Variants in NPAS3 observed in about 807,000 individuals in gnomAD.
The protein encoded by NPAS3 is neuronal PAS domain-containing protein 3.
NPAS3 carries 14 observed loss-of-function variants against 73.1 expected under a neutral mutation model. The observed-to-expected ratio is 0.19, with a 90% CI of 0.13 to 0.30. NPAS3 has a LOEUF of 0.30. Among genes scored for constraint, NPAS3 ranks in the 10% least tolerant of loss-of-function variants. The pLI is 1.00. For synonymous variants in NPAS3, 620 were observed against 541.5 expected (o/e 1.14, Z -2.01); for missense variants, 1,096 against 1,250.0 (o/e 0.88, Z 1.86).
intron 1 of NPAS3, among the ~76,000 whole-genome samples, chr14:33,050,744 T>C (rs1448980863): frequency 6.6e-6 from 1 of 152,196 alleles, no homozygotes; most frequent in Non-Finnish European, 1.5e-5. Context: ...TCGAATGAAA[T>C]CTCTTGTTCC....
intron 5 of NPAS3, among the ~76,000 whole-genome samples, chr14:33,664,013 T>C (rs2059383603): frequency 6.6e-6 from 1 of 152,074 alleles, no homozygotes; most frequent in African/African-American, 2.4e-5. Flanking sequence ...TTGATTTTTT[T>C]GAAGGGGTTT....
At chr14:32,997,021 G>A (rs1346366034) in intron 1 of NPAS3, among the ~76,000 whole-genome samples, 3 of 152,186 alleles carry the variant, frequency 2.0e-5, no homozygotes, top group African/African-American at 7.2e-5. Flanking sequence ...AGCAACAGGG[G>A]TGGAGTTGCC....
At chr14:33,499,871 A>T (rs1288049730) in intron 4 of NPAS3, among the ~76,000 whole-genome samples, 1 of 151,958 alleles carries the variant, frequency 6.6e-6, no homozygotes, top group Non-Finnish European at 1.5e-5. Context: ...GCCTTCTCGC[A>T]GTGAGGCACA....
At position 33,565,072 on chromosome 14, in the gene NPAS3, T is replaced by C. The variant is rs548487594; in HGVS notation, c.558+4862T>C. 5.3e-5 allele frequency among the ~76,000 whole-genome samples: 8 copies of C among 152,294 alleles called. 1 individual carries two copies. Among genetic ancestry groups the C allele is most frequent in the Admixed American group, 3.9e-4 (6 of 15,296 alleles). ...AGGTAGCTGCAGACAAGGTTACAAA[T>C]TGGCTTGATTCAAGGCAGCTTGCTG... On this transcript the variant is annotated intron_variant, in intron 5 of 11. Coordinates refer to ENST00000356141, the Ensembl canonical transcript of NPAS3.
chr14:33,378,248 G>A (rs2046389225), intron 4 of NPAS3, among the ~76,000 whole-genome samples: 1 of 152,172 alleles, frequency 6.6e-6, no homozygotes, highest in Admixed American at 6.6e-5. Flanking sequence ...AGACAGCTCA[G>A]TGAGCACTCA....
intron 3 of NPAS3, among the ~76,000 whole-genome samples, chr14:33,331,001 A>G (rs560724162): frequency 6.6e-6 from 1 of 152,336 alleles, no homozygotes; most frequent in East Asian, 1.9e-4. Context: ...AATTTAAACT[A>G]TTTACACTTG....
chr14:33,250,190 T>C (rs891033047), intron 3 of NPAS3, among the ~76,000 whole-genome samples: 1 of 152,136 alleles, frequency 6.6e-6, no homozygotes, highest in African/African-American at 2.4e-5. Context: ...TGTGTTTGAC[T>C]TAACAGCTTT....
Position 33,140,157 on chromosome 14 carries a change from C to A in NPAS3, c.141-75025C>A, listed in dbSNP as rs141339435. Among the ~76,000 whole-genome samples, 212 of 152,132 alleles carry A rather than the reference C, an allele frequency of 1.4e-3. 1 individual carries two copies. The highest frequency in any genetic ancestry group is 4.7e-3 in the African/African-American group (193 of 41,500). On this transcript the variant is annotated intron_variant, in intron 2 of 11. Coordinates refer to ENST00000356141, the Ensembl canonical transcript of NPAS3. ...GTGGTTCAGTACCTTGGTTTTAATT[C>A]ATAGAAACACCACTGCTGCACAGTA...
intron 5 of NPAS3, among the ~76,000 whole-genome samples, chr14:33,651,756 A>G (rs1448066742): frequency 1.3e-5 from 2 of 152,168 alleles, no homozygotes; most frequent in Non-Finnish European, 2.9e-5. Context: ...ATAGACGTAA[A>G]TGCTCAATAC....
chr14:33,324,671 T>G (rs1022774743), intron 3 of NPAS3, among the ~76,000 whole-genome samples: 1 of 152,342 alleles, frequency 6.6e-6, no homozygotes, highest in South Asian at 2.1e-4. Context: ...TTTTGATAGT[T>G]AATTATAGCT....
chr14:33,044,487 A>T (rs1027112547), intron 1 of NPAS3, among the ~76,000 whole-genome samples: 1 of 152,156 alleles, frequency 6.6e-6, no homozygotes, highest in African/African-American at 2.4e-5. Context: ...ATGGATGTGT[A>T]TAGCAACAAT....
Position 33,168,043 on chromosome 14 carries a change from A to G in NPAS3, c.141-47139A>G, listed in dbSNP as rs1027621867. Among the ~76,000 whole-genome samples, 23 of 152,054 alleles carry G rather than the reference A, an allele frequency of 1.5e-4. 1 individual carries two copies. Among genetic ancestry groups the G allele is most frequent in the South Asian group, 6.2e-4 (3 of 4,820 alleles). On this transcript the variant is annotated intron_variant, in intron 2 of 11. Coordinates refer to ENST00000356141, the Ensembl canonical transcript of NPAS3. ...GTTTTTGTGGCTTGTTTTTTCATTT[A>G]GCATTCTTTTCCTTATGTGTTACTT...
At chr14:33,655,025 A>C (rs762290383) in intron 5 of NPAS3, among the ~76,000 whole-genome samples, 1 of 152,180 alleles carries the variant, frequency 6.6e-6, no homozygotes, top group Non-Finnish European at 1.5e-5. Flanking sequence ...TCTTCAGAAC[A>C]CCCTGCAAGG....
chr14:33,494,702 A>G (rs1160620777), intron 4 of NPAS3, among the ~76,000 whole-genome samples: 1 of 152,118 alleles, frequency 6.6e-6, no homozygotes, highest in African/African-American at 2.4e-5. Context: ...ATAGGTATAT[A>G]TTTCTGTTTC....
intron 7 of NPAS3, among the ~76,000 whole-genome samples, chr14:33,736,568 C>G (rs74374663): frequency 0.023 from 3,574 of 152,222 alleles, 163 homozygotes; most frequent in African/African-American, 0.08. Flanking sequence ...TATTGCCCTG[C>G]CTTGCTGCAT....
At chr14:33,282,056 T>C (rs1449824374) in intron 3 of NPAS3, among the ~76,000 whole-genome samples, 1 of 152,178 alleles carries the variant, frequency 6.6e-6, no homozygotes, top group Non-Finnish European at 1.5e-5. Flanking sequence ...CACAAAAGAA[T>C]GGCCAAGAAC....
At chr14:32,961,820 A>T (rs2036933308) in intron 1 of NPAS3, among the ~76,000 whole-genome samples, 1 of 152,208 alleles carries the variant, frequency 6.6e-6, no homozygotes, top group Non-Finnish European at 1.5e-5. Context: ...CTCAGTCACC[A>T]TCTCATTTAG....
At chr14:33,102,797 G>A (rs1264349780) in intron 2 of NPAS3, among the ~76,000 whole-genome samples, 2 of 152,144 alleles carry the variant, frequency 1.3e-5, no homozygotes, top group Non-Finnish European at 2.9e-5. Flanking sequence ...TTCTAAGATA[G>A]GCTCCAATTT....
At chr14:33,560,867 A>G (rs964494699) in intron 5 of NPAS3, among the ~76,000 whole-genome samples, 1 of 152,214 alleles carries the variant, frequency 6.6e-6, no homozygotes, top group African/African-American at 2.4e-5. Flanking sequence ...CTGGAACACA[A>G]AAATTTAAGT....
Sources: allele counts gnomAD v4.1 joint callset (sites outside exome capture counted in the v4.1 genomes callset), GRCh38; gene constraint gnomAD v4.1.1; transcripts MANE v1.5; gene names NCBI Gene and HGNC (gene_info 2026-07-23, HGNC 2026-07-21).